LRP2: variants seen among roughly 807,000 people sequenced by gnomAD.
LRP2 encodes the protein LDL receptor related protein 2.
A neutral mutation model predicts 531.0 loss-of-function variants in LRP2; 172 were observed. The ratio of observed to expected loss-of-function variants is 0.32; its 90% confidence interval spans 0.29 to 0.37. LRP2 has a LOEUF of 0.37. Ranked by LOEUF, LRP2 falls within the 10% of genes least tolerant of loss-of-function variation. LRP2 has a pLI of 1.00. For synonymous variants in LRP2, 1,992 were observed against 2,027.6 expected, an observed-to-expected ratio of 0.98 and a Z score of 0.47; for missense variants, 5,167 against 5,868.3, an observed-to-expected ratio of 0.88 and a Z score of 3.90.
At chr2:169,336,536 T>TCACACACACACA (rs61573424) in intron 1 of LRP2, among the ~76,000 whole-genome samples, 1 of 145,998 alleles carries the variant, frequency 6.8e-6, no homozygotes, top group African/African-American at 2.5e-5. Context: ...CAAGACTCCA[T>TCACACACACACA]CACACACACA....
intron 3 of LRP2, among the ~76,000 whole-genome samples, chr2:169,313,862 C>T (rs1476945180): frequency 1.3e-5 from 2 of 152,156 alleles, no homozygotes; most frequent in Admixed American, 1.3e-4. Context: ...TTGAATGCCA[C>T]AATACATATT....
At position 169,307,279 on chromosome 2, in the gene LRP2, AC is replaced by A; in HGVS notation, c.427+1del. ...ACAGTGCAAGGACTAAAACAGACTCACGGCAGTCATTCTCATCAGCTCCATC... is the reference window on the plus strand; with the variant it reads ...ACAGTGCAAGGACTAAAACAGACTCAGGCAGTCATTCTCATCAGCTCCATC... On this transcript the variant is annotated splice_donor_variant, in intron 4 of 78. Transcript: ENST00000649046. LOFTEE classifies it high-confidence loss of function. The A allele has an allele frequency of 1.2e-6, 2 of 1,600,902 alleles. No homozygotes were observed. Among genetic ancestry groups the A allele is most frequent in the Non-Finnish European group, 1.7e-6 (2 of 1,167,844 alleles).
rs757872124 is a variant in LRP2 at position 169,175,398 on chromosome 2, A to C, written c.10572-9T>G. 6.2e-7 allele frequency: 1 copy of C among 1,613,492 alleles called. No homozygotes were observed. Among genetic ancestry groups the C allele is most frequent in the South Asian group, 1.1e-5 (1 of 91,014 alleles). ...ACCAGATAGGAATGCACCTGCACAG[A>C]GAACATACAGCACTTCTTTAGCAAA... On this transcript the variant is annotated splice_polypyrimidine_tract_variant and intron_variant, in intron 54 of 78. Coordinates refer to ENST00000649046, the MANE Select transcript of LRP2 (RefSeq NM_004525.3).
At chr2:169,175,062 G>T in intron 55 of LRP2, 131 bp downstream of exon 55, 2 of 755,270 alleles carry the variant, frequency 2.6e-6, no homozygotes, top group African/African-American at 1.8e-5. Context: ...GAAAAAGGAT[G>T]GAGCCTGAGT....
chr2:169,222,713 T>A (rs1689062437), intron 33 of LRP2, among the ~76,000 whole-genome samples: 1 of 152,226 alleles, frequency 6.6e-6, no homozygotes, highest in Non-Finnish European at 1.5e-5. Flanking sequence ...TATAAAAATA[T>A]ACTGTAATAA....
intron 58 of LRP2, 77 bp downstream of exon 58, chr2:169,171,938 G>A (rs1687018538): frequency 6.4e-7 from 1 of 1,566,266 alleles, no homozygotes; most frequent in Non-Finnish European, 8.8e-7. Context: ...CAATGACATA[G>A]ACAGTTGAAT....
chr2:169,145,810 G>C lies in LRP2; in HGVS notation c.12925C>G (p.Leu4309Val). 6.2e-7 allele frequency: 1 copy of C among 1,614,118 alleles called. No homozygotes were observed. The highest frequency in any genetic ancestry group is 8.5e-7 in the Non-Finnish European group (1 of 1,179,988). Residue 4309 changes from leucine (L) to valine (V), a missense_variant, in exon 70 of 79, where the codon CTG (leucine) becomes GTG (valine). Around this residue, in one of 6 missense-constraint regions of LRP2, gnomAD observed 564 missense variants for 747.7 expected, o/e 0.75. Transcript: ENST00000649046. ...KFGQGKKEKT[L>V]VVNPWLTQVR... is the part of the protein sequence containing the mutation. ...TGAGTGAGCCAAGGGTTCACTACCA[G>C]CGTTTTCTCTTTCTTTCCTTGCCCA...
chr2:169,166,369 T>C (rs1686784428), intron 61 of LRP2, among the ~76,000 whole-genome samples: 1 of 152,108 alleles, frequency 6.6e-6, no homozygotes, highest in African/African-American at 2.4e-5. Flanking sequence ...CTGACTTAAG[T>C]TAGGGAGAGG....
chr2:169,177,425 T>C (rs1017179254), intron 53 of LRP2, among the ~76,000 whole-genome samples: 1 of 152,208 alleles, frequency 6.6e-6, no homozygotes, highest in Non-Finnish European at 1.5e-5. Context: ...TGCATTTATT[T>C]AGTATTTAGT....
intron 31 of LRP2, among the ~76,000 whole-genome samples, chr2:169,230,835 T>C (rs1260644940): frequency 6.6e-6 from 1 of 152,228 alleles, no homozygotes; most frequent in Non-Finnish European, 1.5e-5. Context: ...CCCAATAAAA[T>C]ATCTCTAGGA....
intron 19 of LRP2, among the ~76,000 whole-genome samples, chr2:169,255,251 C>A (rs1389958738): frequency 1.3e-5 from 2 of 152,134 alleles, no homozygotes; most frequent in African/African-American, 4.8e-5. Flanking sequence ...TTCAGTGTCT[C>A]CTCACCCTCT....
At chr2:169,358,139 T>A (rs1405767783) in intron 1 of LRP2, among the ~76,000 whole-genome samples, 1 of 152,208 alleles carries the variant, frequency 6.6e-6, no homozygotes, top group Non-Finnish European at 1.5e-5. Context: ...GTGCCTTATC[T>A]GGCAAGTCAG....
chr2:169,351,055 C>T (rs1318306876), intron 1 of LRP2, among the ~76,000 whole-genome samples: 2 of 152,000 alleles, frequency 1.3e-5, no homozygotes, highest in Non-Finnish European at 2.9e-5. Flanking sequence ...CAAGGGTAGG[C>T]CAGCAAGGAA....
chr2:169,339,980 T>C (rs575307022), intron 1 of LRP2, among the ~76,000 whole-genome samples: 1 of 152,290 alleles, frequency 6.6e-6, no homozygotes, highest in South Asian at 2.1e-4. Flanking sequence ...ATGGTATGCA[T>C]CTGTACTATA....
At chr2:169,135,606 T>C (rs1425684009) in intron 76 of LRP2, among the ~76,000 whole-genome samples, 2 of 152,172 alleles carry the variant, frequency 1.3e-5, no homozygotes, top group African/African-American at 4.8e-5. Context: ...AATGGACTAA[T>C]GGTCTTTTAA....
chr2:169,223,665 GC>G (rs1303902667), intron 33 of LRP2, among the ~76,000 whole-genome samples: 1 of 152,154 alleles, frequency 6.6e-6, no homozygotes, highest in African/African-American at 2.4e-5. Flanking sequence ...GAGCAGTGAA[GC>G]TGACCATTTA....
At chr2:169,193,640 T>C (rs1687905806) in intron 47 of LRP2, 121 bp downstream of exon 47, 1 of 1,218,942 alleles carries the variant, frequency 8.2e-7, no homozygotes. Flanking sequence ...AAGGTAACAT[T>C]CTATCAGTGT....
At chr2:169,324,667 T>C (rs959405060) in intron 1 of LRP2, among the ~76,000 whole-genome samples, 11 of 150,336 alleles carry the variant, frequency 7.3e-5, no homozygotes, top group African/African-American at 2.7e-4. Flanking sequence ...TCTTCATAAG[T>C]AGCCATATCC....
At chr2:169,264,323 A>G (rs1194364601) in intron 16 of LRP2, among the ~76,000 whole-genome samples, 1 of 152,070 alleles carries the variant, frequency 6.6e-6, no homozygotes, top group Non-Finnish European at 1.5e-5. Context: ...TACCAAAAAT[A>G]CTATGAGAAT....
Sources: allele counts gnomAD v4.1 joint callset (sites outside exome capture counted in the v4.1 genomes callset), GRCh38; gene constraint gnomAD v4.1.1; regional missense constraint gnomAD v4.1.1; transcripts MANE v1.5; gene names NCBI Gene and HGNC (gene_info 2026-07-23, HGNC 2026-07-21).